The following TLK1 variants were observed in gnomAD, a reference collection of about 807,000 sequenced individuals.
TLK1 encodes tousled like kinase 1, also known as serine/threonine-protein kinase tousled-like 1.
Under a neutral mutation model 105.3 loss-of-function variants are expected in TLK1, and 24 were observed. The observed-to-expected ratio is 0.23, with a 90% CI of 0.17 to 0.32. TLK1 has a LOEUF of 0.32. Among genes scored for constraint, TLK1 ranks in the 10% least tolerant of loss-of-function variants. TLK1 has a pLI of 1.00. For missense variants in TLK1, 558 were observed against 910.5 expected (o/e 0.61, Z 4.98); for synonymous variants, 321 against 310.4 (o/e 1.03, Z -0.36).
At chr2:171,123,313 C>T (rs1453929830) in intron 1 of TLK1, among the ~76,000 whole-genome samples, 1 of 152,180 alleles carries the variant, frequency 6.6e-6, no homozygotes, top group Non-Finnish European at 1.5e-5. Context: ...TCTCCCACCT[C>T]AGCCTCCCAA....
At chr2:171,091,715 T>TTG (rs1689240505) in intron 2 of TLK1, 1 of 148,260 alleles carries the variant, frequency 6.7e-6, no homozygotes. Context: ...GGGGGGTGTC[T>TTG]TTGTTGTTGT....
rs577555732 is a variant in TLK1 at position 171,143,506 on chromosome 2, C to CAAAAA, written c.139+16779_139+16783dup. Among the ~76,000 whole-genome samples the CAAAAA allele has an allele frequency of 1.8e-4, 8 of 44,304 alleles. 2 individuals carry two copies. The highest frequency in any genetic ancestry group is 7.9e-4 in the Admixed American group (2 of 2,542). The allele number at this position is 44,304 out of a possible 152,430, so 29.1% of individuals were successfully genotyped here. A position where few individuals can be genotyped will look rare whatever the true frequency, so the allele number is the denominator to read the frequency against. On this transcript the variant is annotated intron_variant, in intron 1 of 20. Transcript: ENST00000431350. ...GGGCAGAAGAGTGGGACTCTATCTC[C>CAAAAA]AAAAAAAAAAAAAAAAAAAAAAAAA...
intron 12 of TLK1, among the ~76,000 whole-genome samples, chr2:171,017,017 C>T (rs1685244740): frequency 3.3e-5 from 5 of 152,078 alleles, no homozygotes; most frequent in Admixed American, 2.0e-4. Context: ...CAGCTTCGGT[C>T]ACATATATTT....
At chr2:171,178,042 C>A (rs1271591186) in intron 1 of TLK1, among the ~76,000 whole-genome samples, 1 of 152,146 alleles carries the variant, frequency 6.6e-6, no homozygotes, top group East Asian at 1.9e-4. Context: ...AGGTGATCCA[C>A]CCGCCTTGGC....
intron 3 of TLK1, chr2:171,081,580 A>T: frequency 8.7e-7 from 1 of 1,143,710 alleles, no homozygotes; most frequent in Non-Finnish European, 1.2e-6. Flanking sequence ...TAGTATAAGT[A>T]TGTTAATTTT....
At chr2:171,226,576 A>G (rs1693902917) in intron 1 of TLK1, among the ~76,000 whole-genome samples, 1 of 152,214 alleles carries the variant, frequency 6.6e-6, no homozygotes, top group South Asian at 2.1e-4. Flanking sequence ...AGGCTTGGGC[A>G]TCTGCTCCTA....
At chr2:171,225,452 G>GA (rs931639627) in intron 1 of TLK1, among the ~76,000 whole-genome samples, 2 of 151,582 alleles carry the variant, frequency 1.3e-5, no homozygotes, top group African/African-American at 2.4e-5. Context: ...ACTATAAGGG[G>GA]AAAAAAAAGG....
chr2:171,015,702 T>C (rs6433278), intron 12 of TLK1, among the ~76,000 whole-genome samples: 269 of 5,826 alleles, frequency 0.046, 2 homozygotes, highest in African/African-American at 0.061. Flanking sequence ...CACACACATA[T>C]ACACACACAC....
At chr2:171,184,440 T>C (rs60241632) in intron 1 of TLK1, among the ~76,000 whole-genome samples, 6,830 of 152,046 alleles carry the variant, frequency 0.045, 444 homozygotes, top group East Asian at 0.29. Flanking sequence ...TTCGGGAGTT[T>C]GAGACCAGCC....
intron 1 of TLK1, among the ~76,000 whole-genome samples, chr2:171,145,022 C>G (rs1431094027): frequency 1.3e-5 from 2 of 152,130 alleles, no homozygotes; most frequent in African/African-American, 4.8e-5. Context: ...CAGATACCAT[C>G]TTACAGCCAG....
intron 1 of TLK1, among the ~76,000 whole-genome samples, chr2:171,148,142 G>A (rs943048719): frequency 1.8e-4 from 28 of 151,984 alleles, no homozygotes; most frequent in African/African-American, 5.8e-4. Flanking sequence ...CGCCCACCTC[G>A]GCCTCCCCAA....
intron 20 of TLK1, 91 bp from the exon 21 acceptor site, chr2:170,994,047 A>G (rs1410034447): frequency 7.4e-7 from 1 of 1,356,270 alleles, no homozygotes; most frequent in East Asian, 2.6e-5. Context: ...GGACACATTT[A>G]AGACATAAGT....
At chr2:171,217,576 T>G (rs1253088143) in intron 1 of TLK1, among the ~76,000 whole-genome samples, 1 of 152,126 alleles carries the variant, frequency 6.6e-6, no homozygotes, top group African/African-American at 2.4e-5. Context: ...CCAAAGCTGA[T>G]CATGAGGGCT....
intron 1 of TLK1, among the ~76,000 whole-genome samples, chr2:171,118,983 TC>T (rs1185578507): frequency 6.6e-6 from 1 of 152,048 alleles, no homozygotes; most frequent in Non-Finnish European, 1.5e-5. Context: ...TTCTTCTAGC[TC>T]AAAAAAAGAG....
chr2:171,078,399 A>G (rs555680733), intron 3 of TLK1, among the ~76,000 whole-genome samples: 3 of 152,200 alleles, frequency 2.0e-5, no homozygotes, highest in South Asian at 2.1e-4. Flanking sequence ...TTAGCCGGGC[A>G]TGGTGGCGCA....
intron 13 of TLK1, among the ~76,000 whole-genome samples, chr2:171,011,808 G>A (rs1684928963): frequency 6.6e-6 from 1 of 151,970 alleles, no homozygotes; most frequent in Non-Finnish European, 1.5e-5. Context: ...CTTTTATATT[G>A]GGAGTTATAA....
At chr2:171,111,931 C>A (rs778994355) in intron 2 of TLK1, among the ~76,000 whole-genome samples, 8 of 147,556 alleles carry the variant, frequency 5.4e-5, no homozygotes, top group South Asian at 4.2e-4. Context: ...TGTATTAAAT[C>A]CAATAAATGG....
chr2:171,017,054 G>T (rs769513344), intron 12 of TLK1, among the ~76,000 whole-genome samples: 4 of 152,022 alleles, frequency 2.6e-5, no homozygotes, highest in Non-Finnish European at 5.9e-5. Context: ...AAAGTAAAGT[G>T]ATATCCTAGG....
intron 4 of TLK1, among the ~76,000 whole-genome samples, chr2:171,060,328 TGA>T (rs1371999262): frequency 1.3e-5 from 2 of 152,148 alleles, no homozygotes; most frequent in Non-Finnish European, 2.9e-5. Context: ...CAGTGTAAAC[TGA>T]GATACAAAAT....
Sources: gnomAD v4.1 joint callset for allele counts (sites outside exome capture counted in the v4.1 genomes callset) on GRCh38, gnomAD v4.1.1 for gene constraint, MANE v1.5 for transcripts, NCBI Gene and HGNC (gene_info 2026-07-23, HGNC 2026-07-21) for gene names.